HDAC8: variants seen among roughly 807,000 people sequenced by gnomAD.
The protein encoded by HDAC8 is histone deacetylase-like 1.
Under a neutral mutation model 32.2 loss-of-function variants are expected in HDAC8, and 1 was observed. That is an observed-to-expected ratio of 0.03 (90% CI 0.01 to 0.15). The LOEUF (loss-of-function observed/expected upper bound fraction) is 0.15. Among genes scored for constraint, HDAC8 ranks in the 10% least tolerant of loss-of-function variants. HDAC8 has a pLI of 1.00. For missense variants in HDAC8, 117 were observed against 300.0 expected (o/e 0.39, Z 4.51); for synonymous variants, 108 against 113.9 (o/e 0.95, Z 0.33).
intron 8 of HDAC8, chrX:72,462,356 A>C: frequency 7.4e-6 from 2 of 271,136 alleles, no homozygotes; most frequent in Non-Finnish European, 1.3e-5. Flanking sequence ...CCCCAAAAAT[A>C]TGTACCTGAG....
chrX:72,422,179 C>T (rs1383156633), intron 9 of HDAC8, among the ~76,000 whole-genome samples: 1 of 111,000 alleles, frequency 9.0e-6, no homozygotes, highest in Non-Finnish European at 1.9e-5. Flanking sequence ...CATTAAGCCT[C>T]TTGGATCCTT....
At chrX:72,547,982 A>C (rs1317705891) in intron 4 of HDAC8, among the ~76,000 whole-genome samples, 11 of 111,397 alleles carry the variant, frequency 9.9e-5, no homozygotes, top group African/African-American at 3.6e-4. Flanking sequence ...ATCAGCCTTC[A>C]CCATTCCCCG....
intron 7 of HDAC8, among the ~76,000 whole-genome samples, chrX:72,481,415 G>A (rs1556003040): frequency 1.8e-5 from 2 of 111,623 alleles, no homozygotes; most frequent in Non-Finnish European, 3.8e-5. Context: ...ATAATTACTT[G>A]TTCTCACATG....
chrX:72,560,922 A>T (rs1311565983), intron 4 of HDAC8, among the ~76,000 whole-genome samples: 2 of 111,265 alleles, frequency 1.8e-5, no homozygotes, highest in African/African-American at 6.5e-5. Context: ...ATTATCTTTT[A>T]AAAATATGAT....
chrX:72,395,539 C>T (rs1386259636), intron 9 of HDAC8, among the ~76,000 whole-genome samples: 1 of 112,424 alleles, frequency 8.9e-6, no homozygotes, highest in East Asian at 2.8e-4. Context: ...CTCTTCTTAG[C>T]TACTGTGGCT....
rs1160557613 is a variant in HDAC8, at chrX:72,526,280, C to CT, written c.438-31013dup. Among the ~76,000 whole-genome samples, 21 of 107,145 alleles carry CT rather than the reference C, an allele frequency of 2.0e-4. No homozygotes were observed. The South Asian group carries it at 2.8e-3, about 15-fold the overall frequency. The allele number at this position is 107,145 out of a possible 115,157, so 93.0% of individuals were successfully genotyped here. On this transcript the variant is annotated intron_variant, in intron 4 of 10. Coordinates refer to ENST00000373573, the MANE Select transcript of HDAC8 (RefSeq NM_018486.3). ...TTTTGCCTGGAATGCTCTACCCTCT[C>CT]TTTTTTTTTTACTTGATTAACTCCT...
intron 7 of HDAC8, chrX:72,474,554 C>T (rs1286702025): frequency 8.7e-7 from 1 of 1,154,425 alleles, no homozygotes; most frequent in Non-Finnish European, 1.2e-6. Flanking sequence ...CTTTATACTA[C>T]ATTAGTAACT....
intron 4 of HDAC8, among the ~76,000 whole-genome samples, chrX:72,542,879 C>G (rs972595944): frequency 3.6e-5 from 4 of 112,449 alleles, no homozygotes; most frequent in African/African-American, 1.3e-4. Context: ...AGAGCAAACA[C>G]TTTTTGGTGC....
intron 9 of HDAC8, among the ~76,000 whole-genome samples, chrX:72,360,945 A>G (rs1402686791): frequency 8.9e-6 from 1 of 112,214 alleles, no homozygotes; most frequent in East Asian, 2.8e-4. Flanking sequence ...TTGAACTGGC[A>G]GGAAGCAGCA....
chrX:72,360,965 C>G (rs999555891), intron 9 of HDAC8, among the ~76,000 whole-genome samples: 10 of 111,682 alleles, frequency 9.0e-5, no homozygotes, highest in African/African-American at 2.9e-4. Context: ...ACATCAAAAG[C>G]GCTTGTGAGC....
intron 4 of HDAC8, among the ~76,000 whole-genome samples, chrX:72,517,720 T>A (rs1448635794): frequency 8.9e-6 from 1 of 112,257 alleles, no homozygotes; most frequent in African/African-American, 3.2e-5. Flanking sequence ...TGAAAGTCAG[T>A]TGATCATAAA....
At chrX:72,477,324 C>T (rs1248341467) in intron 7 of HDAC8, among the ~76,000 whole-genome samples, 7 of 112,093 alleles carry the variant, frequency 6.2e-5, no homozygotes, top group African/African-American at 1.6e-4. Flanking sequence ...TTAATACATA[C>T]GGGTGGGAAT....
intron 9 of HDAC8, among the ~76,000 whole-genome samples, chrX:72,369,428 T>C (rs2044801886): frequency 8.9e-6 from 1 of 112,241 alleles, no homozygotes; most frequent in Non-Finnish European, 1.9e-5. Context: ...GAGATCCTGG[T>C]GGACAGGGGA....
At chrX:72,478,714 C>A (rs1210314211) in intron 7 of HDAC8, among the ~76,000 whole-genome samples, 3 of 99,823 alleles carry the variant, frequency 3.0e-5, no homozygotes, top group Non-Finnish European at 4.0e-5. Flanking sequence ...AGTGCAGTGG[C>A]GTGATCTCGG....
intron 9 of HDAC8, among the ~76,000 whole-genome samples, chrX:72,455,430 C>A (rs1175703479): frequency 9.0e-6 from 1 of 111,410 alleles, no homozygotes; most frequent in Non-Finnish European, 1.9e-5. Flanking sequence ...ATAAACTGTG[C>A]TATGGTGGTT....
intron 9 of HDAC8, among the ~76,000 whole-genome samples, chrX:72,440,931 G>A (rs1248343639): frequency 5.3e-5 from 6 of 112,555 alleles, no homozygotes; most frequent in African/African-American, 1.6e-4. Flanking sequence ...CTTGCTGATC[G>A]CTAGCACAGC....
At chrX:72,560,311 A>G (rs2051498450) in intron 4 of HDAC8, among the ~76,000 whole-genome samples, 1 of 110,488 alleles carries the variant, frequency 9.1e-6, no homozygotes, top group Admixed American at 9.6e-5. Flanking sequence ...TCAGGGTTAA[A>G]TGGATTAAGG....
At chrX:72,477,789 G>A (rs2048379629) in intron 7 of HDAC8, among the ~76,000 whole-genome samples, 1 of 112,700 alleles carries the variant, frequency 8.9e-6, no homozygotes, top group Non-Finnish European at 1.9e-5. Context: ...AGGGCAGGAT[G>A]TATGTTAAAC....
At chrX:72,505,548 T>C (rs1556018678) in intron 4 of HDAC8, among the ~76,000 whole-genome samples, 1 of 111,773 alleles carries the variant, frequency 8.9e-6, no homozygotes, top group African/African-American at 3.3e-5. Context: ...CTAGGCGCAG[T>C]GGCTCATGCT....
Sources: gnomAD v4.1 joint callset for allele counts (sites outside exome capture counted in the v4.1 genomes callset) on GRCh38, gnomAD v4.1.1 for gene constraint, MANE v1.5 for transcripts, NCBI Gene and HGNC (gene_info 2026-07-23, HGNC 2026-07-21) for gene names.